Variants in ATRX observed in about 807,000 individuals in gnomAD.
ATRX encodes the protein chromatin remodeler ATRX.
Under a neutral mutation model 172.6 loss-of-function variants are expected in ATRX, and 12 were observed. The observed-to-expected ratio is 0.07, with a 90% CI of 0.04 to 0.11. The LOEUF (loss-of-function observed/expected upper bound fraction) is 0.11, where lower values mean the gene tolerates loss of function less well. Among genes scored for constraint, ATRX ranks in the 10% least tolerant of loss-of-function variants. The pLI, the probability that ATRX is intolerant of heterozygous loss-of-function variation, is 1.00. For synonymous variants in ATRX, 674 were observed against 594.7 expected (o/e 1.13, Z -1.94); for missense variants, 1,368 against 1,767.4 (o/e 0.77, Z 4.05).
intron 22 of ATRX, among the ~76,000 whole-genome samples, chrX:77,603,369 C>CTTT (rs1259586472): frequency 5.8e-5 from 6 of 103,608 alleles, no homozygotes; most frequent in Non-Finnish European, 9.9e-5. Context: ...TAATATAATT[C>CTTT]TTTTTTTTTT....
chrX:77,616,806 T>C (rs1029343685), intron 21 of ATRX, 76 bp from the exon 22 acceptor site: 5 of 704,118 alleles, frequency 7.1e-6, no homozygotes, highest in Non-Finnish European at 1.1e-5. Flanking sequence ...TCATTGCTTA[T>C]AACTGAAATA....
chrX:77,674,278 GA>G (rs782260172), intron 10 of ATRX: 2 of 111,458 alleles, frequency 1.8e-5, no homozygotes, highest in East Asian at 5.6e-4. Flanking sequence ...AATAGTGCAA[GA>G]AAGTATTTGT....
At chrX:77,553,365 T>C (rs2064636665) in intron 30 of ATRX, among the ~76,000 whole-genome samples, 1 of 111,930 alleles carries the variant, frequency 8.9e-6, no homozygotes, top group African/African-American at 3.3e-5. Flanking sequence ...ACAAGTATCT[T>C]AATATCCATT....
chrX:77,579,611 G>C (rs2065757426), intron 27 of ATRX, among the ~76,000 whole-genome samples: 1 of 111,915 alleles, frequency 8.9e-6, no homozygotes, highest in African/African-American at 3.2e-5. Context: ...CCCCTAATGT[G>C]GACACAGCTT....
At chrX:77,754,168 T>C (rs2075404136) in intron 1 of ATRX, among the ~76,000 whole-genome samples, 1 of 111,470 alleles carries the variant, frequency 9.0e-6, no homozygotes, top group African/African-American at 3.3e-5. Flanking sequence ...ACCCCTTTTT[T>C]TTTTGTTTTT....
Position 77,574,351 on chromosome X carries a change from C to T in ATRX, c.6225G>A (p.Gly2075=). 1 of 1,188,757 alleles carries T rather than the reference C, an allele frequency of 8.4e-7. No homozygotes were observed. The highest frequency in any genetic ancestry group is 1.1e-6 in the Non-Finnish European group (1 of 874,850). Residue 2075 remains glycine, a synonymous_variant, in exon 28 of 35, where the codon GGG becomes GGA. Coordinates refer to ENST00000373344, the MANE Select transcript of ATRX (RefSeq NM_000489.6). ...KDKPLIYKGE[G]KWLRNIDYYR... Reference sequence around the variant, plus strand: ...AATAGTCAATGTTTCGAAGCCACTTCCCCTCACCTGAAAATTTAACAAAAG... The same window carrying T: ...AATAGTCAATGTTTCGAAGCCACTTTCCCTCACCTGAAAATTTAACAAAAG...
At chrX:77,607,286 CA>C (rs1557091180) in intron 22 of ATRX, among the ~76,000 whole-genome samples, 1 of 112,398 alleles carries the variant, frequency 8.9e-6, no homozygotes, top group African/African-American at 3.2e-5. Flanking sequence ...TCAGCAATTT[CA>C]GTAAAGTGGC....
chrX:77,626,221 G>A (rs987781218), intron 19 of ATRX, among the ~76,000 whole-genome samples: 5 of 106,591 alleles, frequency 4.7e-5, no homozygotes, highest in Non-Finnish European at 9.6e-5. Flanking sequence ...ACTGATATGT[G>A]GAAGCTAGGC....
At chrX:77,596,884 G>C (rs1231937207) in intron 25 of ATRX, 2 of 110,762 alleles carry the variant, frequency 1.8e-5, no homozygotes, top group Non-Finnish European at 3.8e-5. Flanking sequence ...TATAGCACAG[G>C]ATGATGCACA....
rs143785452 is a variant in ATRX at position 77,652,276 on chromosome X, A to G, written c.4395T>C (p.Asp1465=). Reference sequence around the variant, plus strand: ...CAGGAGACTTGGAATCATCATTTTCATCTTCCTCCTCCTCTTCCTCCTCCT... The same window carrying G: ...CAGGAGACTTGGAATCATCATTTTCGTCTTCCTCCTCCTCTTCCTCCTCCT... ...EEEEEEEEEE[D]ENDDSKSPGK... is the part of the protein sequence containing the mutation. The change falls in exon 15 of 35, where the codon GAT becomes GAC. Residue 1465 remains aspartate, a synonymous_variant. Coordinates refer to ENST00000373344, the MANE Select transcript of ATRX (RefSeq NM_000489.6). The G allele has an allele frequency of 3.3e-5, 40 of 1,206,260 alleles. No homozygotes were observed. In the African/African-American group the frequency reaches 6.9e-4, roughly 21 times the overall value.
chrX:77,531,149 C>T (rs112435045), intron 30 of ATRX, among the ~76,000 whole-genome samples: 6,456 of 111,175 alleles, frequency 0.058, 495 homozygotes, highest in African/African-American at 0.2. Context: ...AAATAGCCTA[C>T]CAGCCAAAAA....
Position 77,780,631 on chromosome X carries a change from A to AG in ATRX, c.20+5350_20+5351insC, listed in dbSNP as rs1363856210. ...GCGTGAGCCACTGCACGTGGCCTGT[A>AG]AGCAGAATTTTTTAAAAACTAACTT... On this transcript the variant is annotated intron_variant, in intron 1 of 34. Coordinates refer to ENST00000373344, the MANE Select transcript of ATRX (RefSeq NM_000489.6). Among the ~76,000 whole-genome samples the AG allele has an allele frequency of 2.8e-5, 3 of 108,754 alleles. No homozygotes were observed. The East Asian group carries it at 9.2e-4, about 33-fold the overall frequency. The allele number at this position is 108,754 out of a possible 115,157, so 94.4% of individuals were successfully genotyped here. A position where few individuals can be genotyped will look rare whatever the true frequency, so the allele number is the denominator to read the frequency against.
chrX:77,701,926 T>TGTG lies in ATRX; in HGVS notation c.134-3300_134-3298dup, dbSNP rs782041985. On this transcript the variant is annotated intron_variant, in intron 2 of 34. Coordinates refer to ENST00000373344, the MANE Select transcript of ATRX (RefSeq NM_000489.6). ...ACTAAAAGTACAGAAATTTGCCGGG[T>TGTG]GTGGTGGCGCATCCCTGTAATCCCA... 5.4e-4 allele frequency among the ~76,000 whole-genome samples: 56 copies of TGTG among 102,888 alleles called. No homozygotes were observed. In the Admixed American group the frequency reaches 5.6e-3, roughly 10 times the overall value. 89.3% of individuals were successfully genotyped at this position (102,888 alleles called of 115,157 possible).
At chrX:77,572,337 G>C (rs1025448794) in intron 28 of ATRX, among the ~76,000 whole-genome samples, 3 of 111,181 alleles carry the variant, frequency 2.7e-5, no homozygotes, top group African/African-American at 9.8e-5. Context: ...ATGCTCAACA[G>C]GTAAGAATAT....
At chrX:77,614,672 G>A (rs1381442257) in intron 22 of ATRX, among the ~76,000 whole-genome samples, 1 of 111,286 alleles carries the variant, frequency 9.0e-6, no homozygotes, top group Non-Finnish European at 1.9e-5. Flanking sequence ...ATCAAGTCAG[G>A]GTATTCAGGG....
intron 34 of ATRX, among the ~76,000 whole-genome samples, chrX:77,514,581 C>T (rs2062989013): frequency 8.9e-6 from 1 of 112,273 alleles, no homozygotes; most frequent in Non-Finnish European, 1.9e-5. Flanking sequence ...TGGACCCCCT[C>T]CTTACACACC....
chrX:77,722,832 C>T (rs2073843329), intron 1 of ATRX, among the ~76,000 whole-genome samples: 1 of 111,674 alleles, frequency 9.0e-6, no homozygotes, highest in Non-Finnish European at 1.9e-5. Flanking sequence ...CCAGCCATCC[C>T]ATTACTGGGT....
chrX:77,578,488 G>A lies in ATRX; in HGVS notation c.6218-4130C>T, dbSNP rs141851071. 7.8e-3 allele frequency among the ~76,000 whole-genome samples: 871 copies of A among 112,143 alleles called. 9 individuals carry two copies. The highest frequency in any genetic ancestry group is 0.027 in the African/African-American group (843 of 30,913). On this transcript the variant is annotated intron_variant, in intron 27 of 34. Transcript: ENST00000373344. ...ACCAGCTCAGTCACAGTAGGACAGG[G>A]CCCTGGGCAGAATCGTGAAGCCCCC...
chrX:77,761,601 T>C (rs1457059542), intron 1 of ATRX, among the ~76,000 whole-genome samples: 1 of 111,600 alleles, frequency 9.0e-6, no homozygotes, highest in African/African-American at 3.3e-5. Flanking sequence ...GTGAAATGAT[T>C]ACTATGGTCA....
Sources: gnomAD v4.1 joint callset for allele counts (sites outside exome capture counted in the v4.1 genomes callset) on GRCh38, gnomAD v4.1.1 for gene constraint, MANE v1.5 for transcripts, NCBI Gene and HGNC (gene_info 2026-07-23, HGNC 2026-07-21) for gene names.